LRRTM4: variants seen among roughly 807,000 people sequenced by gnomAD.
The protein encoded by LRRTM4 is leucine rich repeat transmembrane neuronal 4, also known as leucine-rich repeat transmembrane neuronal protein 4.
LRRTM4 carries 25 observed loss-of-function variants against 47.6 expected under a neutral mutation model. The ratio of observed to expected loss-of-function variants is 0.53; its 90% CI spans 0.38 to 0.73. The LOEUF (loss-of-function observed/expected upper bound fraction) is 0.73. Among genes scored for constraint, LRRTM4 ranks in the 30% least tolerant of loss-of-function variants. LRRTM4 has a pLI of 0.00. For synonymous variants in LRRTM4, 311 were observed against 269.5 expected, an observed-to-expected ratio of 1.15 and a Z score of -1.51; for missense variants, 638 against 713.4, an observed-to-expected ratio of 0.89 and a Z score of 1.20.
intron 3 of LRRTM4, among the ~76,000 whole-genome samples, chr2:76,808,442 T>G (rs201169419): frequency 1.1e-5 from 1 of 89,044 alleles, no homozygotes; most frequent in Non-Finnish European, 1.9e-5. Flanking sequence ...ACATTGATTT[T>G]GGGAAAAAAA....
At chr2:77,277,768 A>C (rs1365079877) in intron 3 of LRRTM4, among the ~76,000 whole-genome samples, 1 of 152,012 alleles carries the variant, frequency 6.6e-6, no homozygotes. Flanking sequence ...CACACCATAC[A>C]TGACTTGTGT....
Position 77,053,979 on chromosome 2 carries a change from A to G in LRRTM4, c.1552-305063T>C, listed in dbSNP as rs749264821. 1.3e-3 allele frequency among the ~76,000 whole-genome samples: 195 copies of G among 152,294 alleles called. 1 individual carries two copies. The highest frequency in any genetic ancestry group is 0.01 in the Middle Eastern group (3 of 294). ...TCAGAAATATACTTAGTGACTTAAA[A>G]AAAAAGCTTTCAGTGAAAAGTATTG... is the stretch of plus-strand genomic sequence containing the variant. On this transcript the variant is annotated intron_variant, in intron 3 of 3. Coordinates refer to ENST00000409884, the MANE Select transcript of LRRTM4 (RefSeq NM_001134745.3).
At chr2:77,333,877 A>C (rs770582737) in intron 3 of LRRTM4, among the ~76,000 whole-genome samples, 11 of 152,174 alleles carry the variant, frequency 7.2e-5, no homozygotes, top group Non-Finnish European at 1.3e-4. Context: ...GCACCAGCCC[A>C]TGAAAGCAGC....
chr2:76,881,637 T>C (rs1672933075), intron 3 of LRRTM4, among the ~76,000 whole-genome samples: 2 of 152,126 alleles, frequency 1.3e-5, no homozygotes, highest in African/African-American at 4.8e-5. Context: ...ACTGAACTAC[T>C]TCTTTTTTTC....
chr2:77,390,383 G>A (rs1673453263), intron 3 of LRRTM4, among the ~76,000 whole-genome samples: 1 of 151,978 alleles, frequency 6.6e-6, no homozygotes, highest in Non-Finnish European at 1.5e-5. Context: ...TCAAAATTGA[G>A]GAACATCTAT....
chr2:76,961,660 T>C (rs1675865386), intron 3 of LRRTM4, among the ~76,000 whole-genome samples: 1 of 151,338 alleles, frequency 6.6e-6, no homozygotes, highest in African/African-American at 2.4e-5. Context: ...TATTAATGAA[T>C]ACTTTTACAT....
chr2:76,773,890 G>A (rs1342392220), intron 3 of LRRTM4, among the ~76,000 whole-genome samples: 1 of 151,168 alleles, frequency 6.6e-6, no homozygotes, highest in East Asian at 1.9e-4. Flanking sequence ...TATTTACCTG[G>A]TATAACATAT....
chr2:77,012,295 A>T (rs1003560730), intron 3 of LRRTM4, among the ~76,000 whole-genome samples: 4 of 151,108 alleles, frequency 2.6e-5, no homozygotes, highest in East Asian at 1.9e-4. Context: ...AAGAATAATC[A>T]TTTTTTTTTG....
intron 3 of LRRTM4, among the ~76,000 whole-genome samples, chr2:77,404,836 G>C (rs1674117833): frequency 6.6e-6 from 1 of 151,896 alleles, no homozygotes; most frequent in East Asian, 1.9e-4. Flanking sequence ...ATGGCCACAG[G>C]GAACTTCTAA....
At chr2:77,479,035 T>C (rs146829947) in intron 3 of LRRTM4, among the ~76,000 whole-genome samples, 4,755 of 152,052 alleles carry the variant, frequency 0.031, 118 homozygotes, top group Non-Finnish European at 0.046. Flanking sequence ...GCTGGGATTA[T>C]AGGCATGTGC....
intron 3 of LRRTM4, among the ~76,000 whole-genome samples, chr2:77,325,333 A>C (rs1670721138): frequency 6.6e-6 from 1 of 152,124 alleles, no homozygotes; most frequent in South Asian, 2.1e-4. Flanking sequence ...AGCAACTTTT[A>C]CTCTCACTGT....
intron 3 of LRRTM4, among the ~76,000 whole-genome samples, chr2:77,383,164 A>G (rs1673128053): frequency 6.6e-6 from 1 of 152,118 alleles, no homozygotes; most frequent in Non-Finnish European, 1.5e-5. Flanking sequence ...TGAGTAAACT[A>G]ATATTATGTT....
chr2:76,765,072 A>G (rs922362649), intron 3 of LRRTM4, among the ~76,000 whole-genome samples: 1 of 152,204 alleles, frequency 6.6e-6, no homozygotes, highest in Non-Finnish European at 1.5e-5. Flanking sequence ...GAATTGAGCC[A>G]AAAAAGATTA....
chr2:77,275,013 T>C (rs1676304517), intron 3 of LRRTM4, among the ~76,000 whole-genome samples: 1 of 151,926 alleles, frequency 6.6e-6, no homozygotes, highest in Non-Finnish European at 1.5e-5. Context: ...AGAATCCTGA[T>C]GGCAATAGAA....
intron 3 of LRRTM4, among the ~76,000 whole-genome samples, chr2:76,849,147 T>G: frequency 6.6e-6 from 1 of 152,086 alleles, no homozygotes; most frequent in East Asian, 1.9e-4. Context: ...GTATTAATAA[T>G]AGCTGATAGT....
chr2:77,369,841 G>A (rs1182267595), intron 3 of LRRTM4, among the ~76,000 whole-genome samples: 1 of 151,622 alleles, frequency 6.6e-6, no homozygotes, highest in Admixed American at 6.6e-5. Flanking sequence ...GTAGGCAATT[G>A]TAACACAATG....
At chr2:77,021,090 C>G (rs1266392090) in intron 3 of LRRTM4, among the ~76,000 whole-genome samples, 1 of 142,016 alleles carries the variant, frequency 7.0e-6, no homozygotes, top group East Asian at 2.1e-4. Flanking sequence ...CAAGAAACTT[C>G]TCTGTATCTA....
chr2:77,483,385 T>C (rs1053705857), intron 3 of LRRTM4, among the ~76,000 whole-genome samples: 1 of 152,018 alleles, frequency 6.6e-6, no homozygotes, highest in African/African-American at 2.4e-5. Flanking sequence ...CTGTAGCCCA[T>C]GCTGGAGTGC....
rs187449230 is a variant in LRRTM4 at position 77,176,975 on chromosome 2, A to G, written c.1551+341343T>C. Among the ~76,000 whole-genome samples, 422 of 152,324 alleles carry G rather than the reference A, an allele frequency of 2.8e-3. 4 individuals carry two copies. The highest frequency in any genetic ancestry group is 9.9e-3 in the African/African-American group (410 of 41,566). Reference sequence around the variant, plus strand: ...TCCCACCAGTCCCACGGCAGCTTCCAGAAATTATCACATATGGTCTGAAAA... The same window carrying G: ...TCCCACCAGTCCCACGGCAGCTTCCGGAAATTATCACATATGGTCTGAAAA... On this transcript the variant is annotated intron_variant, in intron 3 of 3. Coordinates refer to ENST00000409884, the MANE Select transcript of LRRTM4 (RefSeq NM_001134745.3).
Sources: gnomAD v4.1 joint callset for allele counts (sites outside exome capture counted in the v4.1 genomes callset) on GRCh38, gnomAD v4.1.1 for gene constraint, MANE v1.5 for transcripts, NCBI Gene and HGNC (gene_info 2026-07-23, HGNC 2026-07-21) for gene names.